HS1BP3: variants seen among roughly 807,000 people sequenced by gnomAD.
HS1BP3 encodes the protein HCLS1 binding protein 3.
In HS1BP3, 32 loss-of-function variants were observed where a neutral mutation model predicts 33.5. The ratio of observed to expected loss-of-function variants is 0.95; its 90% CI spans 0.72 to 1.28. The LOEUF is 1.28. HS1BP3 is among the 50% of genes most tolerant of loss of function. The pLI is 0.00. For missense variants in HS1BP3, 486 were observed against 502.3 expected (o/e 0.97, Z 0.31); for synonymous variants, 187 against 209.2 (o/e 0.89, Z 0.92).
chr2:20,617,284 C>T (rs936992851), downstream of HS1BP3, among the ~76,000 whole-genome samples: 5 of 152,260 alleles, frequency 3.3e-5, no homozygotes, highest in African/African-American at 1.2e-4. Context: ...GGGCCCGGGG[C>T]TGAGTGCTGG....
chr2:20,568,306 T>C (rs925646040), intron 5 of HS1BP3, among the ~76,000 whole-genome samples: 1 of 151,908 alleles, frequency 6.6e-6, no homozygotes, highest in African/African-American at 2.4e-5. Context: ...GGGAAGAACA[T>C]TCTAGGAAAA....
chr2:20,628,674 G>A (rs1384446588), intron 4 of HS1BP3, among the ~76,000 whole-genome samples: 1 of 152,038 alleles, frequency 6.6e-6, no homozygotes, highest in Non-Finnish European at 1.5e-5. Flanking sequence ...CACACAGGGT[G>A]TTCCGCTCTG....
chr2:20,634,147 G>A (rs1044366845), intron 4 of HS1BP3, among the ~76,000 whole-genome samples: 11 of 152,274 alleles, frequency 7.2e-5, no homozygotes, highest in African/African-American at 2.4e-4. Context: ...AGACAGTACC[G>A]GAAGTGCCTT....
chr2:20,645,102 G>A (rs1572364934), intron 2 of HS1BP3, among the ~76,000 whole-genome samples: 2 of 152,154 alleles, frequency 1.3e-5, no homozygotes, highest in African/African-American at 4.8e-5. Flanking sequence ...GAGCCCCCCA[G>A]GTGCTCCTGT....
At chr2:20,563,789 T>C (rs1693058962) in intron 5 of HS1BP3, among the ~76,000 whole-genome samples, 1 of 152,140 alleles carries the variant, frequency 6.6e-6, no homozygotes, top group Non-Finnish European at 1.5e-5. Flanking sequence ...ACAGCTTTGT[T>C]TTTCAAAGTG....
chr2:20,571,358 G>GC (rs1381537168), intron 5 of HS1BP3, among the ~76,000 whole-genome samples: 1 of 152,162 alleles, frequency 6.6e-6, no homozygotes, highest in African/African-American at 2.4e-5. Flanking sequence ...CACAGCCTGA[G>GC]CCCCGGGGCC....
At chr2:20,558,571 C>T (rs537549042), downstream of HS1BP3, among the ~76,000 whole-genome samples, 2 of 152,298 alleles carry the variant, frequency 1.3e-5, no homozygotes, top group South Asian at 4.1e-4. Context: ...GGGGATGTGT[C>T]AGGCACTGCG....
chr2:20,638,588 G>C lies in HS1BP3; in HGVS notation c.471C>G (p.Asp157Glu). 6.2e-7 allele frequency: 1 copy of C among 1,614,220 alleles called. No individual in the cohort carries two copies. Residue 157 changes from aspartate to glutamate, a missense_variant, in exon 4 of 7, where the codon GAC (aspartate) becomes GAG (glutamate). Coordinates refer to ENST00000304031, the MANE Select transcript of HS1BP3 (RefSeq NM_022460.4). ...SRDSSVLDGTDSQTGNDEEAF... is the reference protein window; with the variant it reads ...SRDSSVLDGTESQTGNDEEAF... ...CCTCTTCATCATTCCCTGTCTGACT[G>C]TCTGTGCCATCCAGGACAGAGGAAT... is the stretch of plus-strand genomic sequence containing the variant.
chr2:20,595,914 A>G (rs1158506960), intron 3 of HS1BP3, among the ~76,000 whole-genome samples: 1 of 152,164 alleles, frequency 6.6e-6, no homozygotes, highest in African/African-American at 2.4e-5. Context: ...AACCAACAAG[A>G]GCTTCCCGCA....
chr2:20,555,108 G>A, the HS1BP3 span, among the ~76,000 whole-genome samples: 6 of 152,206 alleles, frequency 3.9e-5, no homozygotes, highest in Non-Finnish European at 8.8e-5. Context: ...CGCAATCCAT[G>A]TTTACACCAT....
chr2:20,561,309 G>A (rs2117842), intron 5 of HS1BP3, among the ~76,000 whole-genome samples: 12 of 152,162 alleles, frequency 7.9e-5, no homozygotes, highest in South Asian at 4.2e-4. Context: ...TGTCTGGTTC[G>A]TCTCTGTCCC....
At chr2:20,609,563 C>T (rs1472004413) in intron 2 of HS1BP3, among the ~76,000 whole-genome samples, 5 of 152,170 alleles carry the variant, frequency 3.3e-5, no homozygotes, top group Admixed American at 2.0e-4. Context: ...TGGGCTGAGC[C>T]GCTCTGTGGA....
chr2:20,638,291 C>T (rs1695217722), intron 4 of HS1BP3, 145 bp downstream of exon 4: 3 of 721,590 alleles, frequency 4.2e-6, no homozygotes, highest in Middle Eastern at 2.5e-4. Flanking sequence ...CCCCAACACA[C>T]CAGGCCAAGG....
At chr2:20,609,231 G>C (rs996509998) in intron 2 of HS1BP3, among the ~76,000 whole-genome samples, 6 of 152,214 alleles carry the variant, frequency 3.9e-5, no homozygotes, top group African/African-American at 1.2e-4. Flanking sequence ...AATAGTGCCT[G>C]TGAGAAGTCA....
intron 5 of HS1BP3, among the ~76,000 whole-genome samples, chr2:20,571,251 C>G (rs2149272460): frequency 6.6e-6 from 1 of 152,310 alleles, no homozygotes; most frequent in South Asian, 2.1e-4. Context: ...GGCCTTTCCC[C>G]CAGCCTTGCT....
intron 2 of HS1BP3, among the ~76,000 whole-genome samples, chr2:20,607,178 C>T (rs1432472869): frequency 6.8e-6 from 1 of 147,896 alleles, no homozygotes; most frequent in Non-Finnish European, 1.5e-5. Context: ...TTTTTTGAGA[C>T]AGAGTCTTGC....
Position 20,624,893 on chromosome 2 carries a change from C to T in HS1BP3, c.624-1G>A, listed in dbSNP as rs763300729. 6.2e-7 allele frequency: 1 copy of T among 1,613,522 alleles called. No homozygotes were observed. Among genetic ancestry groups the T allele is most frequent in the Non-Finnish European group, 8.5e-7 (1 of 1,179,958 alleles). ...GGGATGTTTCTTGGGCTTCTTGGAG[C>T]TGGAGAATCACAGACAAAGCACAAG... On this transcript the variant is annotated splice_acceptor_variant, in intron 4 of 6. Transcript: ENST00000304031. LOFTEE classifies it high-confidence loss of function.
chr2:20,619,040 G>A lies in HS1BP3; in HGVS notation c.1126C>T (p.Gln376Ter). The change falls in exon 7 of 7, where the codon CAG (glutamine) becomes TAG (stop). Residue 376 changes from glutamine to a stop codon, truncating the protein, a stop_gained. Transcript: ENST00000304031. LOFTEE classifies it high-confidence loss of function. ...IQAMDEMDILQYIQDHDTPAQ... is the reference protein window; with the variant it reads ...IQAMDEMDIL ...GGTGTATCGTGGTCCTGGATGTACT[G>A]CAAGATGTCCATCTCGTCCATGGCT... 1 of 1,614,182 alleles carries A rather than the reference G, an allele frequency of 6.2e-7. No homozygotes were observed.
chr2:20,630,686 A>G (rs913547667), intron 4 of HS1BP3, among the ~76,000 whole-genome samples: 2 of 152,202 alleles, frequency 1.3e-5, no homozygotes, highest in East Asian at 3.8e-4. Flanking sequence ...CAATCACAAG[A>G]GTGAGAATCA....
Sources: allele counts gnomAD v4.1 joint callset (sites outside exome capture counted in the v4.1 genomes callset), GRCh38; gene constraint gnomAD v4.1.1; transcripts MANE v1.5; gene names NCBI Gene and HGNC (gene_info 2026-07-23, HGNC 2026-07-21).